PRR16: variants seen among roughly 807,000 people sequenced by gnomAD.
The protein encoded by PRR16 is proline rich 16.
Under a neutral mutation model 18.2 loss-of-function variants are expected in PRR16, and 6 were observed. That is an observed-to-expected ratio of 0.33 (90% confidence interval 0.18 to 0.65). PRR16 has a LOEUF of 0.65. Ranked by LOEUF, PRR16 falls within the 30% of genes least tolerant of loss-of-function variation. The pLI is 0.74. For synonymous variants in PRR16, 151 were observed against 147.8 expected, an observed-to-expected ratio of 1.02 and a Z score of -0.16; for missense variants, 412 against 376.6, an observed-to-expected ratio of 1.09 and a Z score of -0.78.
At chr5:120,758,966 C>A in the PRR16 span, among the ~76,000 whole-genome samples, 1 of 141,162 alleles carries the variant, frequency 7.1e-6, no homozygotes, top group African/African-American at 2.6e-5. Flanking sequence ...ATTTTTGTAC[C>A]ATAATTTCTT....
At chr5:120,592,804 A>G (rs1422987463) in intron 1 of PRR16, among the ~76,000 whole-genome samples, 3 of 152,124 alleles carry the variant, frequency 2.0e-5, no homozygotes, top group African/African-American at 7.2e-5. Context: ...ATTGTCCCCC[A>G]TGTAATGTTC....
chr5:120,750,151 A>G, the PRR16 span, among the ~76,000 whole-genome samples: 1 of 152,156 alleles, frequency 6.6e-6, no homozygotes, highest in East Asian at 1.9e-4. Context: ...GGAGTTTACA[A>G]CAAATAAGCT....
At chr5:120,787,337 G>A in the PRR16 span, among the ~76,000 whole-genome samples, 9 of 152,086 alleles carry the variant, frequency 5.9e-5, no homozygotes, top group African/African-American at 2.2e-4. Context: ...TGAGGTAATG[G>A]ATCAAATGTG....
chr5:120,591,291 A>G (rs1239217194), intron 1 of PRR16, among the ~76,000 whole-genome samples: 1 of 152,030 alleles, frequency 6.6e-6, no homozygotes. Flanking sequence ...AAAAAAGAAT[A>G]AATAAATAAA....
chr5:120,782,588 A>C, the PRR16 span, among the ~76,000 whole-genome samples: 1 of 152,076 alleles, frequency 6.6e-6, no homozygotes, highest in Non-Finnish European at 1.5e-5. Context: ...CACTGCAGTC[A>C]TAAGTTACAA....
In PRR16 at chr5:120,625,069, G is replaced by A. The variant is rs1156708443; in HGVS notation, c.160-60885G>A. Among the ~76,000 whole-genome samples, 3 of 152,140 alleles carry A rather than the reference G, an allele frequency of 2.0e-5. No individual in the cohort carries two copies. The East Asian group carries it at 5.8e-4, about 29-fold the overall frequency. On this transcript the variant is annotated intron_variant, in intron 1 of 1. Coordinates refer to ENST00000407149, the MANE Select transcript of PRR16 (RefSeq NM_001300783.2). ...TTATAAATTGCCCAGTCTTGCATAT[G>A]TCTTCATCAGCAGTATGAAAATGGA...
At chr5:120,775,460 C>T in the PRR16 span, among the ~76,000 whole-genome samples, 1 of 152,020 alleles carries the variant, frequency 6.6e-6, no homozygotes. Flanking sequence ...TCGTCTCTAC[C>T]CCTGCTGCCA....
the PRR16 span, among the ~76,000 whole-genome samples, chr5:120,726,819 T>C: frequency 6.6e-6 from 1 of 152,136 alleles, no homozygotes; most frequent in African/African-American, 2.4e-5. Flanking sequence ...AATTCAGGGC[T>C]GTATATACTT....
At chr5:120,559,284 T>G (rs748905570) in intron 1 of PRR16, among the ~76,000 whole-genome samples, 12 of 152,012 alleles carry the variant, frequency 7.9e-5, no homozygotes, top group Non-Finnish European at 1.5e-4. Context: ...GTTTGAAGTC[T>G]TAGATTTGTC....
chr5:120,510,582 A>G (rs182956007), intron 1 of PRR16, among the ~76,000 whole-genome samples: 2 of 152,256 alleles, frequency 1.3e-5, no homozygotes, highest in East Asian at 1.9e-4. Context: ...TGATGCTACA[A>G]TTTTTCAAAC....
At chr5:120,673,854 T>G (rs1321667411) in intron 1 of PRR16, among the ~76,000 whole-genome samples, 2 of 151,270 alleles carry the variant, frequency 1.3e-5, no homozygotes, top group Non-Finnish European at 3.0e-5. Flanking sequence ...ACTCAGGAGG[T>G]TGAGGCAGGA....
intron 1 of PRR16, among the ~76,000 whole-genome samples, chr5:120,473,100 T>C (rs1040768787): frequency 3.9e-5 from 6 of 152,198 alleles, no homozygotes; most frequent in Admixed American, 1.3e-4. Context: ...TGAATAAGCT[T>C]AGTGATCTGC....
intron 1 of PRR16, among the ~76,000 whole-genome samples, chr5:120,631,558 G>A (rs1281980726): frequency 6.6e-6 from 1 of 152,054 alleles, no homozygotes; most frequent in African/African-American, 2.4e-5. Flanking sequence ...GGTGACTGCT[G>A]GCATTTCCCC....
chr5:120,642,909 C>G (rs1295680126), intron 1 of PRR16, among the ~76,000 whole-genome samples: 3 of 152,054 alleles, frequency 2.0e-5, no homozygotes, highest in Non-Finnish European at 2.9e-5. Context: ...CTTGGTGAGG[C>G]CAATTGCTGG....
intron 1 of PRR16, among the ~76,000 whole-genome samples, chr5:120,534,983 A>G (rs1006067755): frequency 1.3e-5 from 2 of 152,200 alleles, no homozygotes; most frequent in South Asian, 2.1e-4. Context: ...AAAAGTATGT[A>G]TCGTGAGGAG....
chr5:120,761,081 A>G, the PRR16 span, among the ~76,000 whole-genome samples: 1 of 151,182 alleles, frequency 6.6e-6, no homozygotes, highest in East Asian at 1.9e-4. Flanking sequence ...TAATTGTCTT[A>G]TACATATAAA....
chr5:120,782,766 C>T, the PRR16 span, among the ~76,000 whole-genome samples: 45 of 152,084 alleles, frequency 3.0e-4, no homozygotes, highest in Non-Finnish European at 5.9e-4. Flanking sequence ...TCTTTGGGCC[C>T]TGCAAATTTT....
At chr5:120,696,886 G>C in the PRR16 span, among the ~76,000 whole-genome samples, 3 of 152,112 alleles carry the variant, frequency 2.0e-5, no homozygotes, top group Non-Finnish European at 4.4e-5. Flanking sequence ...TGTTATACTT[G>C]ACAAATACAT....
chr5:120,614,021 C>A (rs1754421802), intron 1 of PRR16, among the ~76,000 whole-genome samples: 1 of 152,172 alleles, frequency 6.6e-6, no homozygotes, highest in South Asian at 2.1e-4. Flanking sequence ...AGCATTTTCA[C>A]ACACACAGAT....
Sources: allele counts gnomAD v4.1 joint callset (sites outside exome capture counted in the v4.1 genomes callset), GRCh38; gene constraint gnomAD v4.1.1; transcripts MANE v1.5; gene names NCBI Gene and HGNC (gene_info 2026-07-23, HGNC 2026-07-21).